CAMK4: variants seen among roughly 807,000 people sequenced by gnomAD.
The protein encoded by CAMK4 is calcium/calmodulin-dependent protein kinase type IV.
CAMK4 carries 22 observed loss-of-function variants against 44.9 expected under a neutral mutation model. The observed-to-expected ratio is 0.49, with a 90% confidence interval of 0.35 to 0.70. The LOEUF is 0.70. Ranked by LOEUF, CAMK4 falls within the 30% of genes least tolerant of loss-of-function variation. The probability of loss-of-function intolerance (pLI) is 0.01; values close to 1 mark genes in which losing one functional copy is unlikely to be tolerated. For missense variants in CAMK4, 498 were observed against 586.8 expected (o/e 0.85, Z 1.56); for synonymous variants, 218 against 215.4 (o/e 1.01, Z -0.11).
intron 2 of CAMK4, among the ~76,000 whole-genome samples, chr5:111,358,846 T>C (rs1047760702): frequency 8.5e-5 from 13 of 152,116 alleles, no homozygotes; most frequent in African/African-American, 1.7e-4. Flanking sequence ...TGTGTTAGTT[T>C]GGATAATGGC....
At chr5:111,426,578 C>G (rs73787173) in intron 5 of CAMK4, among the ~76,000 whole-genome samples, 3,873 of 152,224 alleles carry the variant, frequency 0.025, 168 homozygotes, top group African/African-American at 0.089. Flanking sequence ...GGTTTTAACT[C>G]CATATCGCTG....
rs1275897270 is a variant in CAMK4, at chr5:111,485,237, G to A, written c.*771G>A. ...CTTTCTGATAGACAAAGCTTAGGGTGTAATAAACAGGGAAGAAAAGAAGGT... is the reference window on the plus strand; with the variant it reads ...CTTTCTGATAGACAAAGCTTAGGGTATAATAAACAGGGAAGAAAAGAAGGT... On this transcript the variant is annotated 3_prime_UTR_variant, in exon 11 of 11. Coordinates refer to ENST00000282356, the MANE Select transcript of CAMK4 (RefSeq NM_001744.6). 1 of 152,144 alleles carries A rather than the reference G, an allele frequency of 6.6e-6. No homozygotes were observed. Among genetic ancestry groups the A allele is most frequent in the African/African-American group, 2.4e-5 (1 of 41,418 alleles). 9.4% of individuals were successfully genotyped at this position (152,144 alleles called of 1,614,324 possible). A position where few individuals can be genotyped will look rare whatever the true frequency, so the allele number is the denominator to read the frequency against.
rs946349747 is a variant in CAMK4, at chr5:111,373,946, A to G, written c.241-904A>G. Among the ~76,000 whole-genome samples, 6 of 152,268 alleles carry G rather than the reference A, an allele frequency of 3.9e-5. 1 individual carries two copies. The highest frequency in any genetic ancestry group is 2.0e-4 in the Admixed American group (3 of 15,274). ...CAACTCATTGTGATTAAAGGGGTCA[A>G]TCACTGGGCTAGAGAGAATATCCCT... On this transcript the variant is annotated intron_variant, in intron 2 of 10. Coordinates refer to ENST00000282356, the MANE Select transcript of CAMK4 (RefSeq NM_001744.6).
Position 111,487,783 on chromosome 5 carries a change from G to A in CAMK4, c.*3317G>A, listed in dbSNP as rs992399782. 1 of 152,092 alleles carries A rather than the reference G, an allele frequency of 6.6e-6. No individual in the cohort carries two copies. The highest frequency in any genetic ancestry group is 1.5e-5 in the Non-Finnish European group (1 of 68,020). The allele number at this position is 152,092 out of a possible 1,614,324, so 9.4% of individuals were successfully genotyped here. A position where few individuals can be genotyped will look rare whatever the true frequency, so the allele number is the denominator to read the frequency against. On this transcript the variant is annotated 3_prime_UTR_variant, in exon 11 of 11. Transcript: ENST00000282356. ...TAGAGTACTTTTTATTTTAAGCAAA[G>A]TGACACTTGAAGTTCTATGCTTAGA... is the stretch of plus-strand genomic sequence containing the variant.
chr5:111,440,587 C>A (rs1202573066), intron 5 of CAMK4, among the ~76,000 whole-genome samples: 1 of 133,432 alleles, frequency 7.5e-6, no homozygotes, highest in Non-Finnish European at 1.8e-5. Context: ...TATATTGCAT[C>A]ATCTTGGGTA....
chr5:111,429,027 A>G (rs1435275246), intron 5 of CAMK4, among the ~76,000 whole-genome samples: 2 of 152,088 alleles, frequency 1.3e-5, no homozygotes, highest in Non-Finnish European at 2.9e-5. Context: ...ATATGTACCT[A>G]CATCAGAAAA....
chr5:111,355,378 C>A lies in CAMK4; in HGVS notation c.240+11276C>A, dbSNP rs1344389875. Among the ~76,000 whole-genome samples the A allele has an allele frequency of 1.3e-5, 2 of 152,128 alleles. 1 individual carries two copies. On this transcript the variant is annotated intron_variant, in intron 2 of 10. Transcript: ENST00000282356. ...GGCCTGATTTGTATGCTTTACCATTCAAGAATATACTTGAAAGTCAGAACA... is the reference window on the plus strand; with the variant it reads ...GGCCTGATTTGTATGCTTTACCATTAAAGAATATACTTGAAAGTCAGAACA...
At chr5:111,423,817 C>A (rs1171980029) in intron 5 of CAMK4, among the ~76,000 whole-genome samples, 1 of 152,046 alleles carries the variant, frequency 6.6e-6, no homozygotes, top group African/African-American at 2.4e-5. Flanking sequence ...GGTAATAGTC[C>A]CAGACAACAC....
chr5:111,230,533 C>A (rs1385204946), intron 1 of CAMK4, among the ~76,000 whole-genome samples: 1 of 149,644 alleles, frequency 6.7e-6, no homozygotes, highest in Non-Finnish European at 1.5e-5. Flanking sequence ...TAAATACTGT[C>A]ACAAGGTTAA....
chr5:111,405,207 C>T (rs192477651), intron 5 of CAMK4, among the ~76,000 whole-genome samples: 4 of 152,178 alleles, frequency 2.6e-5, no homozygotes, highest in African/African-American at 7.2e-5. Context: ...TGGTGGCTCA[C>T]GCCTGTAATC....
At chr5:111,297,077 A>C (rs1420553465) in intron 1 of CAMK4, among the ~76,000 whole-genome samples, 1 of 152,200 alleles carries the variant, frequency 6.6e-6, no homozygotes, top group East Asian at 1.9e-4. Flanking sequence ...CTTGCTCTTA[A>C]GCTCCTTTAA....
intron 1 of CAMK4, among the ~76,000 whole-genome samples, chr5:111,237,485 A>G (rs1748782250): frequency 6.6e-6 from 1 of 152,242 alleles, no homozygotes; most frequent in Non-Finnish European, 1.5e-5. Flanking sequence ...GGATCCTCAC[A>G]TAAATTTTAT....
chr5:111,263,218 A>G (rs144107055), intron 1 of CAMK4, among the ~76,000 whole-genome samples: 96 of 152,310 alleles, frequency 6.3e-4, no homozygotes, highest in African/African-American at 2.3e-3. Flanking sequence ...TTCCATACCT[A>G]TTATGTGAAA....
chr5:111,490,929 A>G lies in CAMK4; in HGVS notation c.*6463A>G, dbSNP rs1394351545. On this transcript the variant is annotated 3_prime_UTR_variant, in exon 11 of 11. Coordinates refer to ENST00000282356, the MANE Select transcript of CAMK4 (RefSeq NM_001744.6). ...TTTTCAATGTCTTGTGAGTTTAGTG[A>G]GTGGGTACAGCTGAGTTGGGGTTTA... The G allele has an allele frequency of 6.6e-6, 1 of 152,188 alleles. No homozygotes were observed. The highest frequency in any genetic ancestry group is 1.5e-5 in the Non-Finnish European group (1 of 68,024). 9.4% of individuals were successfully genotyped at this position (152,188 alleles called of 1,614,324 possible).
intron 7 of CAMK4, among the ~76,000 whole-genome samples, chr5:111,464,353 C>T (rs1190400893): frequency 1.3e-5 from 2 of 151,694 alleles, no homozygotes; most frequent in Non-Finnish European, 2.9e-5. Flanking sequence ...AATGAACAAA[C>T]CTAAAAATAA....
intron 1 of CAMK4, among the ~76,000 whole-genome samples, chr5:111,288,884 C>T (rs76601750): frequency 0.013 from 1,905 of 152,372 alleles, 39 homozygotes; most frequent in African/African-American, 0.042. Flanking sequence ...ACCTCAAGAC[C>T]TTCCATTGTA....
intron 1 of CAMK4, among the ~76,000 whole-genome samples, chr5:111,240,736 A>G (rs1748952190): frequency 6.6e-6 from 1 of 152,132 alleles, no homozygotes; most frequent in Non-Finnish European, 1.5e-5. Context: ...AGGAGGGATT[A>G]CAAATGATTG....
chr5:111,247,639 T>C (rs997972390), intron 1 of CAMK4, among the ~76,000 whole-genome samples: 5 of 152,014 alleles, frequency 3.3e-5, no homozygotes, highest in African/African-American at 1.2e-4. Flanking sequence ...TACTATAGCT[T>C]TGAGGTAGAA....
intron 1 of CAMK4, among the ~76,000 whole-genome samples, chr5:111,294,976 G>A (rs1747425549): frequency 6.6e-6 from 1 of 152,100 alleles, no homozygotes; most frequent in African/African-American, 2.4e-5. Flanking sequence ...TATCTATACA[G>A]GGAAGTAATT....
Sources: allele counts gnomAD v4.1 joint callset (sites outside exome capture counted in the v4.1 genomes callset), GRCh38; gene constraint gnomAD v4.1.1; transcripts MANE v1.5; gene names NCBI Gene and HGNC (gene_info 2026-07-23, HGNC 2026-07-21).